CFAP77: variants seen among roughly 807,000 people sequenced by gnomAD.
The protein encoded by CFAP77 is cilia and flagella associated protein 77, also known as cilia- and flagella-associated protein 77.
A neutral mutation model predicts 31.1 loss-of-function variants in CFAP77; 25 were observed. The observed-to-expected ratio is 0.80, with a 90% CI of 0.59 to 1.12. The LOEUF (loss-of-function observed/expected upper bound fraction) is 1.12. Among genes scored for constraint, CFAP77 ranks in the 50% most tolerant of loss-of-function variants. The pLI, the probability that CFAP77 is intolerant of heterozygous loss-of-function variation, is 0.00. For synonymous variants in CFAP77, 151 were observed against 159.9 expected (o/e 0.94, Z 0.42); for missense variants, 377 against 397.3 (o/e 0.95, Z 0.44).
chr9:132,523,905 C>G (rs1226252241), intron 3 of CFAP77, among the ~76,000 whole-genome samples: 2 of 152,204 alleles, frequency 1.3e-5, no homozygotes, highest in African/African-American at 2.4e-5. Flanking sequence ...CCCCCACTCC[C>G]AGGCTCCAGG....
At chr9:132,549,372 C>T (rs56400897) in intron 5 of CFAP77, among the ~76,000 whole-genome samples, 15,035 of 152,244 alleles carry the variant, frequency 0.099, 787 homozygotes, top group Middle Eastern at 0.13. Flanking sequence ...AATCATCTTA[C>T]GTCACTGTGT....
rs1850049168 is a variant in CFAP77, at chr9:132,413,670, T to A, written c.195+3204T>A. ...GTTGCACCTTTCCTGCCATCGGAAC[T>A]CAGCTGATAACCTGTCAATACAATT... is the stretch of plus-strand genomic sequence containing the variant. On this transcript the variant is annotated intron_variant, in intron 1 of 5. Coordinates refer to ENST00000393216, the MANE Select transcript of CFAP77 (RefSeq NM_001282957.2). Among the ~76,000 whole-genome samples, 3 of 152,184 alleles carry A rather than the reference T, an allele frequency of 2.0e-5. No individual in the cohort carries two copies. The South Asian group carries it at 6.2e-4, about 31-fold the overall frequency.
intron 3 of CFAP77, among the ~76,000 whole-genome samples, chr9:132,525,615 G>T (rs1564240827): frequency 6.6e-6 from 1 of 152,042 alleles, no homozygotes; most frequent in South Asian, 2.1e-4. Flanking sequence ...TCTGCATGTG[G>T]GCATGTGTGT....
At chr9:132,510,921 AT>A (rs1413446975) in intron 3 of CFAP77, among the ~76,000 whole-genome samples, 5 of 152,040 alleles carry the variant, frequency 3.3e-5, no homozygotes, top group Non-Finnish European at 7.4e-5. Context: ...TCTTATCCCC[AT>A]TTTATAGACA....
chr9:132,475,917 A>C (rs1177660447), intron 1 of CFAP77, among the ~76,000 whole-genome samples: 1 of 152,186 alleles, frequency 6.6e-6, no homozygotes, highest in South Asian at 2.1e-4. Flanking sequence ...CTCTCAAAGA[A>C]GATAGCCTGG....
At chr9:132,489,046 T>G (rs1013249158) in intron 1 of CFAP77, among the ~76,000 whole-genome samples, 5 of 151,598 alleles carry the variant, frequency 3.3e-5, no homozygotes, top group African/African-American at 1.2e-4. Context: ...GAGGGAGGGG[T>G]GGTCAGACTC....
chr9:132,513,201 T>C lies in CFAP77; in HGVS notation c.524+13601T>C, dbSNP rs548510897. ...TTTTAAATGTGCAATTAAGTTATTATTGACTCTAGTCAAGGGAGCAAAACA... is the reference window on the plus strand; with the variant it reads ...TTTTAAATGTGCAATTAAGTTATTACTGACTCTAGTCAAGGGAGCAAAACA... On this transcript the variant is annotated intron_variant, in intron 3 of 5. Coordinates refer to ENST00000393216, the MANE Select transcript of CFAP77 (RefSeq NM_001282957.2). 9.4e-6 allele frequency: 14 copies of C among 1,484,290 alleles called. No homozygotes were observed. In the African/African-American group the frequency reaches 9.9e-5, roughly 11 times the overall value. 91.9% of individuals were successfully genotyped at this position (1,484,290 alleles called of 1,614,324 possible). A position where few individuals can be genotyped will look rare whatever the true frequency, so the allele number is the denominator to read the frequency against.
chr9:132,428,498 CCA>C (rs1191354789), intron 1 of CFAP77, among the ~76,000 whole-genome samples: 1 of 152,086 alleles, frequency 6.6e-6, no homozygotes, highest in Non-Finnish European at 1.5e-5. Flanking sequence ...ACCTGTAATC[CCA>C]GTTACTTGGG....
At chr9:132,538,740 T>TTG (rs1381599066) in intron 4 of CFAP77, among the ~76,000 whole-genome samples, 1 of 152,008 alleles carries the variant, frequency 6.6e-6, no homozygotes, top group Non-Finnish European at 1.5e-5. Context: ...ATTGCACCAC[T>TTG]TCACTCCAGC....
chr9:132,456,782 A>T (rs1260616484), intron 1 of CFAP77, among the ~76,000 whole-genome samples: 1 of 151,598 alleles, frequency 6.6e-6, no homozygotes, highest in Admixed American at 6.6e-5. Flanking sequence ...ACACGGTCAT[A>T]CTCTGTTGCC....
intron 1 of CFAP77, among the ~76,000 whole-genome samples, chr9:132,441,744 C>G (rs1005764898): frequency 1.3e-5 from 2 of 152,150 alleles, no homozygotes; most frequent in Admixed American, 6.5e-5. Flanking sequence ...GCCCCGGATT[C>G]AAATACCAGG....
At chr9:132,518,830 G>T (rs1852195158) in intron 3 of CFAP77, among the ~76,000 whole-genome samples, 1 of 152,232 alleles carries the variant, frequency 6.6e-6, no homozygotes, top group Non-Finnish European at 1.5e-5. Flanking sequence ...CGGCCACACT[G>T]CAGGTGGCTG....
chr9:132,437,742 A>C (rs767496003), intron 1 of CFAP77, among the ~76,000 whole-genome samples: 1 of 151,062 alleles, frequency 6.6e-6, no homozygotes, highest in Non-Finnish European at 1.5e-5. Flanking sequence ...CGATCTCCTG[A>C]CTTCGTGATC....
chr9:132,546,105 T>G (rs1852724065), intron 5 of CFAP77, among the ~76,000 whole-genome samples: 1 of 152,146 alleles, frequency 6.6e-6, no homozygotes, highest in African/African-American at 2.4e-5. Context: ...GTGGAATGAA[T>G]GAATGAGGGG....
intron 5 of CFAP77, among the ~76,000 whole-genome samples, chr9:132,555,003 C>T (rs1852878993): frequency 6.6e-6 from 1 of 151,958 alleles, no homozygotes; most frequent in African/African-American, 2.4e-5. Context: ...GCCATCTGTC[C>T]ATCTGTTTGT....
intron 5 of CFAP77, among the ~76,000 whole-genome samples, chr9:132,549,520 C>T (rs957156020): frequency 3.3e-5 from 5 of 152,134 alleles, no homozygotes; most frequent in Admixed American, 6.5e-5. Flanking sequence ...AGTATGCCGA[C>T]GAGCTGACTT....
chr9:132,542,893 C>A lies in CFAP77; in HGVS notation c.631-53C>A. On this transcript the variant is annotated intron_variant, in intron 4 of 5. Transcript: ENST00000393216. ...TGTCTCTATATCCCTTCAGCACGGC[C>A]TTCTCCAAGTAGCCGGGCAACCATC... 4.9e-6 allele frequency: 7 copies of A among 1,414,152 alleles called. No individual in the cohort carries two copies. In the South Asian group the frequency reaches 8.0e-5, roughly 16 times the overall value. 87.6% of individuals were successfully genotyped at this position (1,414,152 alleles called of 1,614,324 possible).
chr9:132,508,532 G>A (rs769907880), intron 3 of CFAP77, among the ~76,000 whole-genome samples: 2 of 152,094 alleles, frequency 1.3e-5, no homozygotes, highest in East Asian at 1.9e-4. Context: ...AAAAGATGCC[G>A]CAGAGACACA....
At chr9:132,569,821 C>T (rs573609261) in intron 5 of CFAP77, among the ~76,000 whole-genome samples, 3 of 151,354 alleles carry the variant, frequency 2.0e-5, no homozygotes, top group South Asian at 2.1e-4. Context: ...CTGCAACCTC[C>T]GCCTCCTGGG....
Sources: gnomAD v4.1 joint callset for allele counts (sites outside exome capture counted in the v4.1 genomes callset) on GRCh38, gnomAD v4.1.1 for gene constraint, MANE v1.5 for transcripts, NCBI Gene and HGNC (gene_info 2026-07-23, HGNC 2026-07-21) for gene names.